LSAMP: variants seen among roughly 807,000 people sequenced by gnomAD.
The protein encoded by LSAMP is limbic system-associated membrane protein.
A neutral mutation model predicts 38.6 loss-of-function variants in LSAMP; 7 were observed. That is an observed-to-expected ratio of 0.18 (90% CI 0.10 to 0.34). LSAMP has a LOEUF of 0.34. Ranked by LOEUF, LSAMP falls within the 10% of genes least tolerant of loss-of-function variation. The pLI, the probability that LSAMP is intolerant of heterozygous loss-of-function variation, is 1.00. For missense variants in LSAMP, 313 were observed against 420.0 expected (o/e 0.75, Z 2.23); for synonymous variants, 154 against 166.8 (o/e 0.92, Z 0.59).
intron 1 of LSAMP, among the ~76,000 whole-genome samples, chr3:116,202,725 C>T (rs1441375829): frequency 6.6e-6 from 1 of 152,118 alleles, no homozygotes; most frequent in Non-Finnish European, 1.5e-5. Context: ...TACCCAAGCA[C>T]CCTTTTTTTG....
Position 116,211,985 on chromosome 3 carries a change from T to G in LSAMP, c.156-125429A>C, listed in dbSNP as rs145725733. ...AGTATTCTGACTGTGCTTCCATTCATGTAACAGAAGAGAGAGGTCAGGTTA... is the reference window on the plus strand; with the variant it reads ...AGTATTCTGACTGTGCTTCCATTCAGGTAACAGAAGAGAGAGGTCAGGTTA... On this transcript the variant is annotated intron_variant, in intron 1 of 6. Transcript: ENST00000490035. Among the ~76,000 whole-genome samples, 243 of 152,298 alleles carry G rather than the reference T, an allele frequency of 1.6e-3. 2 individuals carry two copies. Among genetic ancestry groups the G allele is most frequent in the African/African-American group, 5.6e-3 (231 of 41,550 alleles).
intron 1 of LSAMP, among the ~76,000 whole-genome samples, chr3:116,201,899 A>C (rs2045991788): frequency 6.6e-6 from 1 of 152,122 alleles, no homozygotes; most frequent in Non-Finnish European, 1.5e-5. Context: ...AACTGGCACA[A>C]ACACCAGTAG....
chr3:116,156,719 T>G (rs1224245128), intron 1 of LSAMP, among the ~76,000 whole-genome samples: 2 of 152,056 alleles, frequency 1.3e-5, no homozygotes, highest in Admixed American at 1.3e-4. Flanking sequence ...AGAGGACCAG[T>G]ATGATGAGAT....
At chr3:116,425,967 A>G (rs1576215647) in intron 1 of LSAMP, among the ~76,000 whole-genome samples, 1 of 152,142 alleles carries the variant, frequency 6.6e-6, no homozygotes, top group East Asian at 1.9e-4. Flanking sequence ...TGAGAGAGAG[A>G]TACTTTAAGA....
intron 2 of LSAMP, among the ~76,000 whole-genome samples, chr3:116,059,764 C>T (rs986574832): frequency 6.6e-6 from 1 of 152,218 alleles, no homozygotes; most frequent in African/African-American, 2.4e-5. Context: ...TCCATCTCAG[C>T]TTTAGAGGAT....
intron 6 of LSAMP, among the ~76,000 whole-genome samples, chr3:115,812,454 C>T (rs1047022883): frequency 2.6e-5 from 4 of 152,108 alleles, no homozygotes; most frequent in African/African-American, 9.7e-5. Flanking sequence ...CATCTCAAGG[C>T]CTTTCCTAAT....
chr3:115,955,040 C>T (rs1372748407), intron 3 of LSAMP, among the ~76,000 whole-genome samples: 1 of 151,866 alleles, frequency 6.6e-6, no homozygotes, highest in Non-Finnish European at 1.5e-5. Flanking sequence ...CTGCAAGCTC[C>T]GCCTCCCGGG....
At chr3:116,268,404 A>ATTT (rs1485784067) in intron 1 of LSAMP, among the ~76,000 whole-genome samples, 1 of 143,162 alleles carries the variant, frequency 7.0e-6, no homozygotes, top group Non-Finnish European at 1.5e-5. Flanking sequence ...GTAAGGCACA[A>ATTT]TTTAAATTTT....
intron 1 of LSAMP, among the ~76,000 whole-genome samples, chr3:116,166,294 A>G (rs971020963): frequency 6.6e-6 from 1 of 152,218 alleles, no homozygotes; most frequent in Non-Finnish European, 1.5e-5. Context: ...ATACTAAGAT[A>G]TTTAGTCCTT....
intron 4 of LSAMP, among the ~76,000 whole-genome samples, chr3:115,847,350 T>C (rs577591014): frequency 7.2e-5 from 11 of 152,344 alleles, no homozygotes; most frequent in African/African-American, 2.6e-4. Flanking sequence ...TTAGAAATGA[T>C]AATAAAACTG....
chr3:115,907,980 G>T (rs1279743301), intron 3 of LSAMP, among the ~76,000 whole-genome samples: 1 of 151,978 alleles, frequency 6.6e-6, no homozygotes, highest in East Asian at 1.9e-4. Flanking sequence ...TCTAAAGTAG[G>T]ATCTTTAATG....
At chr3:116,262,690 A>T (rs1164167001) in intron 1 of LSAMP, among the ~76,000 whole-genome samples, 1 of 152,250 alleles carries the variant, frequency 6.6e-6, no homozygotes, top group Non-Finnish European at 1.5e-5. Flanking sequence ...AAAAGAATGC[A>T]ATAAATTTCA....
intron 1 of LSAMP, among the ~76,000 whole-genome samples, chr3:116,266,251 T>C (rs2046890506): frequency 1.3e-5 from 2 of 152,206 alleles, no homozygotes; most frequent in Admixed American, 1.3e-4. Context: ...GTGTATGGTA[T>C]GCTAATGAGC....
At chr3:116,262,217 T>C (rs953711732) in intron 1 of LSAMP, among the ~76,000 whole-genome samples, 4 of 152,180 alleles carry the variant, frequency 2.6e-5, no homozygotes, top group African/African-American at 7.2e-5. Flanking sequence ...ATTCCCTATG[T>C]GAATGAAGTT....
chr3:115,953,594 C>T (rs1182639698), intron 3 of LSAMP, among the ~76,000 whole-genome samples: 1 of 152,084 alleles, frequency 6.6e-6, no homozygotes, highest in Non-Finnish European at 1.5e-5. Flanking sequence ...TGCTGGTGAC[C>T]AGGAGAGTTG....
intron 1 of LSAMP, among the ~76,000 whole-genome samples, chr3:116,114,889 A>G (rs1708708506): frequency 6.6e-6 from 1 of 152,186 alleles, no homozygotes; most frequent in Non-Finnish European, 1.5e-5. Context: ...ACATTTTACA[A>G]TGTTTTCCAT....
chr3:115,961,424 A>G (rs939960541), intron 3 of LSAMP, among the ~76,000 whole-genome samples: 2 of 152,194 alleles, frequency 1.3e-5, no homozygotes, highest in African/African-American at 4.8e-5. Context: ...AATTCGTAGC[A>G]AGAAGCACGA....
At chr3:116,144,453 G>T (rs773036989) in intron 1 of LSAMP, among the ~76,000 whole-genome samples, 14 of 151,854 alleles carry the variant, frequency 9.2e-5, no homozygotes, top group Non-Finnish European at 1.8e-4. Flanking sequence ...AGTCCAGGAG[G>T]ATGAGGCAGC....
intron 4 of LSAMP, among the ~76,000 whole-genome samples, chr3:115,843,778 A>T (rs1345924442): frequency 6.6e-6 from 1 of 152,148 alleles, no homozygotes; most frequent in Non-Finnish European, 1.5e-5. Context: ...ACGAGAAAGC[A>T]TCTGATTTGT....
Sources: allele counts gnomAD v4.1 joint callset (sites outside exome capture counted in the v4.1 genomes callset), GRCh38; gene constraint gnomAD v4.1.1; transcripts MANE v1.5; gene names NCBI Gene and HGNC (gene_info 2026-07-23, HGNC 2026-07-21).